The following TOPAZ1 variants were observed in gnomAD, a reference collection of about 807,000 sequenced individuals.
The protein encoded by TOPAZ1 is testis and ovary specific TOPAZ 1.
Under a neutral mutation model 172.2 loss-of-function variants are expected in TOPAZ1, and 66 were observed. That is an observed-to-expected ratio of 0.38 (90% CI 0.31 to 0.47). TOPAZ1 has a LOEUF of 0.47. Ranked by LOEUF, TOPAZ1 falls within the 20% of genes least tolerant of loss-of-function variation. The pLI is 0.99. For synonymous variants in TOPAZ1, 681 were observed against 683.9 expected, an observed-to-expected ratio of 1.00 and a Z score of 0.07; for missense variants, 1,822 against 1,972.4, an observed-to-expected ratio of 0.92 and a Z score of 1.44.
intron 9 of TOPAZ1, among the ~76,000 whole-genome samples, chr3:44,286,759 G>A (rs1335463036): frequency 1.3e-5 from 2 of 152,078 alleles, no homozygotes; most frequent in Admixed American, 6.6e-5. Context: ...GAATCCTAAT[G>A]TAAATAATTT....
rs530751389 is a variant in TOPAZ1 at position 44,253,579 on chromosome 3, C to T, written c.2766-1389C>T. Among the ~76,000 whole-genome samples, 8 of 152,220 alleles carry T rather than the reference C, an allele frequency of 5.3e-5. No individual in the cohort carries two copies. The South Asian group carries it at 8.3e-4, about 16-fold the overall frequency. ...CTGTATTGGGGAGGTGAAATTTAGA[C>T]ATTTTGAGTTGAAGAGGCCTTTGAG... is the stretch of plus-strand genomic sequence containing the variant. On this transcript the variant is annotated intron_variant, in intron 2 of 19. Transcript: ENST00000309765.
At chr3:44,321,231 A>G (rs1295156205) in intron 17 of TOPAZ1, 40 bp downstream of exon 17, 15 of 1,423,972 alleles carry the variant, frequency 1.1e-5, no homozygotes, top group Non-Finnish European at 1.3e-5. Context: ...TCTCTTGCCC[A>G]TCTGGTGTTT....
At chr3:44,289,664 C>T (rs1159638644) in intron 11 of TOPAZ1, among the ~76,000 whole-genome samples, 1 of 152,084 alleles carries the variant, frequency 6.6e-6, no homozygotes, top group Admixed American at 6.6e-5. Context: ...AAAAGAAATT[C>T]TATCTCAAAA....
chr3:44,311,772 C>T (rs754327262), intron 16 of TOPAZ1, among the ~76,000 whole-genome samples: 19 of 151,964 alleles, frequency 1.3e-4, no homozygotes, highest in Non-Finnish European at 2.5e-4. Context: ...ACAAATGGCT[C>T]AATCTCACTG....
chr3:44,295,803 C>G (rs1379881954), intron 12 of TOPAZ1, among the ~76,000 whole-genome samples: 1 of 152,128 alleles, frequency 6.6e-6, no homozygotes, highest in Admixed American at 6.5e-5. Context: ...ATATCCCTCT[C>G]TCAATAATTG....
chr3:44,277,372 A>C lies in TOPAZ1; in HGVS notation c.3373-4596A>C, dbSNP rs545145590. Among the ~76,000 whole-genome samples the C allele has an allele frequency of 5.8e-4, 89 of 152,208 alleles. 3 individuals are homozygous for C. The highest frequency in any genetic ancestry group is 3.2e-4 in the Non-Finnish European group (22 of 68,040). Reference sequence around the variant, plus strand: ...ATCCTGCAACTTTACTGATTTATTCATCACATCTAAGAGTTTTCTGGTGTA... The same window carrying C: ...ATCCTGCAACTTTACTGATTTATTCCTCACATCTAAGAGTTTTCTGGTGTA... On this transcript the variant is annotated intron_variant, in intron 8 of 19. Coordinates refer to ENST00000309765, the MANE Select transcript of TOPAZ1 (RefSeq NM_001145030.2).
At chr3:44,329,076 C>A (rs1263983629) in intron 19 of TOPAZ1, among the ~76,000 whole-genome samples, 1 of 152,150 alleles carries the variant, frequency 6.6e-6, no homozygotes, top group East Asian at 1.9e-4. Flanking sequence ...AGCTTCTTGA[C>A]AAGAATTTTG....
At chr3:44,297,163 C>A (rs1700209037) in intron 12 of TOPAZ1, among the ~76,000 whole-genome samples, 1 of 123,012 alleles carries the variant, frequency 8.1e-6, no homozygotes, top group Non-Finnish European at 1.7e-5. Flanking sequence ...GAGTGAAAGT[C>A]TGTCTCAAAA....
At chr3:44,267,435 C>T (rs552014420) in intron 6 of TOPAZ1, among the ~76,000 whole-genome samples, 2 of 151,982 alleles carry the variant, frequency 1.3e-5, no homozygotes, top group Middle Eastern at 3.4e-3. Context: ...GCTGGGATTA[C>T]AGGCACCTGC....
At chr3:44,326,458 A>C (rs1451819780) in intron 18 of TOPAZ1, among the ~76,000 whole-genome samples, 1 of 152,024 alleles carries the variant, frequency 6.6e-6, no homozygotes, top group Non-Finnish European at 1.5e-5. Context: ...TTTTCTTTTG[A>C]GAATGCCTAT....
intron 9 of TOPAZ1, among the ~76,000 whole-genome samples, chr3:44,284,188 A>C (rs182566498): frequency 6.6e-6 from 1 of 152,206 alleles, no homozygotes; most frequent in Non-Finnish European, 1.5e-5. Flanking sequence ...AGTACATTCA[A>C]TGTTGTGTAA....
rs769041708 is a variant in TOPAZ1 at position 44,244,169 on chromosome 3, A to G, written c.1663A>G (p.Thr555Ala). 2.8e-5 allele frequency: 43 copies of G among 1,551,236 alleles called. No individual in the cohort carries two copies. In the South Asian group the frequency reaches 3.9e-4, roughly 14 times the overall value. ...KLLLQSSLTETNTESSSKEKL... is the reference protein window; with the variant it reads ...KLLLQSSLTEANTESSSKEKL... ...ATTATTACAAAGTTCCTTAACAGAA[A>G]CAAACACTGAATCTTCAAGTAAAGA... The change falls in exon 2 of 20, where the codon ACA becomes GCA. Residue 555 changes from threonine (T) to alanine (A), a missense_variant. This residue lies in a region of TOPAZ1 where 1,489 missense variants were observed against 1,490.8 expected (regional missense o/e 1.00). Transcript: ENST00000309765.
intron 2 of TOPAZ1, among the ~76,000 whole-genome samples, chr3:44,251,420 C>A (rs573234744): frequency 6.6e-6 from 1 of 152,218 alleles, no homozygotes. Flanking sequence ...CTATGCTAAG[C>A]CCTAAACTTT....
downstream of TOPAZ1, among the ~76,000 whole-genome samples, chr3:44,333,903 A>G (rs903884202): frequency 5.9e-5 from 9 of 152,202 alleles, no homozygotes; most frequent in African/African-American, 2.2e-4. Context: ...TCGCCACAGG[A>G]GATTTTTCCT....
intron 12 of TOPAZ1, among the ~76,000 whole-genome samples, chr3:44,291,339 A>G (rs1037213193): frequency 6.0e-5 from 9 of 150,406 alleles, no homozygotes; most frequent in African/African-American, 2.2e-4. Context: ...GCCGTGGCTC[A>G]CGCCTGTAAT....
intron 6 of TOPAZ1, among the ~76,000 whole-genome samples, 161 bp downstream of exon 6, chr3:44,267,297 T>C (rs1699841179): frequency 6.8e-6 from 1 of 146,856 alleles, no homozygotes; most frequent in Non-Finnish European, 1.5e-5. Flanking sequence ...TACTTTTTTT[T>C]TTTTTTTTTT....
At position 44,244,198 on chromosome 3, in the gene TOPAZ1, A is replaced by G; in HGVS notation, c.1692A>G (p.Lys564=). 1 of 1,550,362 alleles carries G rather than the reference A, an allele frequency of 6.5e-7. No homozygotes were observed. ...ACACTGAATCTTCAAGTAAAGAAAA[A>G]TTAGATTCTAATTCTAATTGTTTGT... ...ETNTESSSKE[K]LDSNSNCLSS... is the part of the protein sequence containing the mutation. Residue 564 remains lysine, a synonymous_variant, in exon 2 of 20, where the codon AAA becomes AAG. Coordinates refer to ENST00000309765, the MANE Select transcript of TOPAZ1 (RefSeq NM_001145030.2).
intron 5 of TOPAZ1, among the ~76,000 whole-genome samples, chr3:44,263,828 C>T (rs1285439443): frequency 6.6e-6 from 1 of 152,088 alleles, no homozygotes; most frequent in Non-Finnish European, 1.5e-5. Flanking sequence ...CTCTCTCTCC[C>T]CTTACTTGAA....
At chr3:44,286,523 T>A (rs1160286361) in intron 9 of TOPAZ1, among the ~76,000 whole-genome samples, 2 of 152,212 alleles carry the variant, frequency 1.3e-5, no homozygotes, top group Admixed American at 6.5e-5. Flanking sequence ...TATTAAAGTT[T>A]TAAAAATTAT....
Sources: gnomAD v4.1 joint callset for allele counts (sites outside exome capture counted in the v4.1 genomes callset) on GRCh38, gnomAD v4.1.1 for gene constraint, gnomAD v4.1.1 regional missense constraint, MANE v1.5 for transcripts, NCBI Gene and HGNC (gene_info 2026-07-23, HGNC 2026-07-21) for gene names.